HSD17B11: variants seen among roughly 807,000 people sequenced by gnomAD.
The protein encoded by HSD17B11 is estradiol 17-beta-dehydrogenase 11.
HSD17B11 carries 22 observed loss-of-function variants against 27.8 expected under a neutral mutation model. The ratio of observed to expected loss-of-function variants is 0.79; its 90% confidence interval spans 0.56 to 1.13. The LOEUF is 1.13. HSD17B11 is among the 50% of genes most tolerant of loss of function. The pLI is 0.00. For missense variants in HSD17B11, 314 were observed against 351.1 expected (o/e 0.89, Z 0.84); for synonymous variants, 117 against 132.8 (o/e 0.88, Z 0.82).
rs888081638 is a variant in HSD17B11 at position 87,353,605 on chromosome 4, A to G, written c.695+3674T>C. Among the ~76,000 whole-genome samples the G allele has an allele frequency of 2.6e-5, 4 of 152,176 alleles. No individual in the cohort carries two copies. In the South Asian group the frequency reaches 6.2e-4, roughly 24 times the overall value. ...TAGCCTCTTTTCACACTTTTCCTCCAGAGTGCAAATCAGTGCAGCATTTCT... is the reference window on the plus strand; with the variant it reads ...TAGCCTCTTTTCACACTTTTCCTCCGGAGTGCAAATCAGTGCAGCATTTCT... On this transcript the variant is annotated intron_variant, in intron 5 of 6. Transcript: ENST00000358290.
chr4:87,384,073 G>A (rs556665496), intron 1 of HSD17B11, among the ~76,000 whole-genome samples: 3 of 152,282 alleles, frequency 2.0e-5, no homozygotes, highest in South Asian at 2.1e-4. Context: ...TAGTGAAACT[G>A]TTATGATAAT....
At chr4:87,347,103 ATTTTTTTTTTTTCTTTTTTT>A (rs1249138304) in intron 5 of HSD17B11, among the ~76,000 whole-genome samples, 1,027 of 62,646 alleles carry the variant, frequency 0.016, 222 homozygotes, top group African/African-American at 0.081. Context: ...AGTATTCTGG[ATTTTTTTTTTTTCTTTTTTT>A]TTTTTTTTTT....
intron 6 of HSD17B11, among the ~76,000 whole-genome samples, 154 bp from the exon 7 acceptor site, chr4:87,337,520 T>C (rs1321286633): frequency 6.6e-6 from 1 of 152,204 alleles, no homozygotes; most frequent in African/African-American, 2.4e-5. Flanking sequence ...TATATATTCT[T>C]TCCCATTAAA....
rs1553960087 is a variant in HSD17B11, at chr4:87,376,521, AAC to A, written c.319-1693_319-1692del. ...TTCATCTCAAAAAAAAAAAAAAAAA[AAC>A]CCAAAAAACAAACAAAAAACCCCCA... is the stretch of plus-strand genomic sequence containing the variant. On this transcript the variant is annotated intron_variant, in intron 2 of 6. Transcript: ENST00000358290. Among the ~76,000 whole-genome samples, 38 of 146,744 alleles carry A rather than the reference AAC, an allele frequency of 2.6e-4. 2 individuals carry two copies. Among genetic ancestry groups the A allele is most frequent in the Admixed American group, 6.1e-4 (9 of 14,660 alleles).
chr4:87,370,258 C>A (rs1398034155), intron 4 of HSD17B11, among the ~76,000 whole-genome samples: 1 of 152,126 alleles, frequency 6.6e-6, no homozygotes, highest in Non-Finnish European at 1.5e-5. Flanking sequence ...GAGGTGGGAA[C>A]TCCCTGTTTT....
intron 5 of HSD17B11, among the ~76,000 whole-genome samples, chr4:87,343,921 G>A (rs1735220008): frequency 6.6e-6 from 1 of 152,182 alleles, no homozygotes; most frequent in Non-Finnish European, 1.5e-5. Context: ...CAGTGGTGCA[G>A]TGGCAAATGT....
chr4:87,360,423 C>T (rs1735485172), intron 4 of HSD17B11, among the ~76,000 whole-genome samples: 1 of 152,114 alleles, frequency 6.6e-6, no homozygotes, highest in East Asian at 1.9e-4. Flanking sequence ...CAAGGATAGT[C>T]CCTGGAGTGC....
At chr4:87,345,125 G>A (rs1354357710) in intron 5 of HSD17B11, 1 of 152,202 alleles carries the variant, frequency 6.6e-6, no homozygotes, top group African/African-American at 2.4e-5. Flanking sequence ...AATTAGCTGA[G>A]TGTGGTGGCA....
Position 87,391,100 on chromosome 4 carries a change from T to TG in HSD17B11, c.-31_-30insC, listed in dbSNP as rs1491542963. 3.6e-4 allele frequency: 74 copies of TG among 202,900 alleles called. No individual in the cohort carries two copies. The highest frequency in any genetic ancestry group is 2.0e-3 in the African/African-American group (19 of 9,668). The allele number at this position is 202,900 out of a possible 1,614,324, so 12.6% of individuals were successfully genotyped here. On this transcript the variant is annotated 5_prime_UTR_variant, in exon 1 of 7. Transcript: ENST00000358290. ...TTTGTGGCTGCGAGCGTTTGGTGTGTTTTTTTTTTTTTTTACCACTCTAAA... is the reference window on the plus strand; with the variant it reads ...TTTGTGGCTGCGAGCGTTTGGTGTGTGTTTTTTTTTTTTTTACCACTCTAAA...
intron 4 of HSD17B11, among the ~76,000 whole-genome samples, chr4:87,358,729 A>G (rs1168386934): frequency 1.3e-5 from 2 of 152,186 alleles, no homozygotes; most frequent in Non-Finnish European, 2.9e-5. Flanking sequence ...CAAAGTAGCT[A>G]TACATTCTGG....
At chr4:87,389,172 G>T (rs1720391029) in intron 1 of HSD17B11, among the ~76,000 whole-genome samples, 1 of 152,054 alleles carries the variant, frequency 6.6e-6, no homozygotes, top group East Asian at 1.9e-4. Context: ...GACCTGGGTT[G>T]TATTTTTCAT....
At chr4:87,372,920 C>A (rs925413678) in intron 3 of HSD17B11, 105 bp from the exon 4 acceptor site, 1 of 689,856 alleles carries the variant, frequency 1.4e-6, no homozygotes. Flanking sequence ...TTAATCCTGT[C>A]ATAAATGAAA....
chr4:87,369,475 C>T (rs1315121685), intron 4 of HSD17B11, among the ~76,000 whole-genome samples: 2 of 150,928 alleles, frequency 1.3e-5, no homozygotes, highest in African/African-American at 4.9e-5. Context: ...TCTTTGTTGC[C>T]CAGGCTGGAG....
At chr4:87,346,424 G>T (rs1394400688) in intron 5 of HSD17B11, among the ~76,000 whole-genome samples, 1 of 152,122 alleles carries the variant, frequency 6.6e-6, no homozygotes, top group Admixed American at 6.6e-5. Context: ...CGAGGCAGGC[G>T]GATCGCTTGA....
At chr4:87,363,751 C>A (rs60597105) in intron 4 of HSD17B11, among the ~76,000 whole-genome samples, 25,992 of 152,168 alleles carry the variant, frequency 0.17, 2,427 homozygotes, top group African/African-American at 0.22. Context: ...ACTGCCCAGA[C>A]CTGTAGCTCA....
intron 6 of HSD17B11, among the ~76,000 whole-genome samples, chr4:87,339,762 G>C (rs1735129772): frequency 6.6e-6 from 1 of 152,172 alleles, no homozygotes; most frequent in Non-Finnish European, 1.5e-5. Context: ...ATCTCTCAAA[G>C]CCCAGGCCAC....
At chr4:87,356,605 AAAG>A (rs1560760933) in intron 5 of HSD17B11, among the ~76,000 whole-genome samples, 2 of 152,256 alleles carry the variant, frequency 1.3e-5, no homozygotes, top group Non-Finnish European at 2.9e-5. Flanking sequence ...GGAAATTAAA[AAAG>A]AAACTTTTCG....
chr4:87,381,549 G>C (rs532894266), intron 2 of HSD17B11, among the ~76,000 whole-genome samples: 1 of 152,150 alleles, frequency 6.6e-6, no homozygotes, highest in African/African-American at 2.4e-5. Context: ...CCTGAGCTCA[G>C]GAGTTCGAGA....
intron 2 of HSD17B11, among the ~76,000 whole-genome samples, chr4:87,378,919 A>ATATATTTATATATAT (rs1170965993): frequency 1.7e-4 from 1 of 5,928 alleles, no homozygotes; most frequent in Non-Finnish European, 2.7e-4. Flanking sequence ...TATATATATA[A>ATATATTTATATATAT]ATATATATAA....
Sources: allele counts gnomAD v4.1 joint callset (sites outside exome capture counted in the v4.1 genomes callset), GRCh38; gene constraint gnomAD v4.1.1; transcripts MANE v1.5; gene names NCBI Gene and HGNC (gene_info 2026-07-23, HGNC 2026-07-21).